The following RAP1GAP variants were observed in gnomAD, a reference collection of about 807,000 sequenced individuals.
RAP1GAP encodes the protein rap1 GTPase-activating protein 1.
A neutral mutation model predicts 87.2 loss-of-function variants in RAP1GAP; 35 were observed. That is an observed-to-expected ratio of 0.40 (90% CI 0.31 to 0.53). The LOEUF (loss-of-function observed/expected upper bound fraction) is 0.53. RAP1GAP is among the 20% of genes least tolerant of loss of function. RAP1GAP has a pLI of 0.48. For synonymous variants in RAP1GAP, 375 were observed against 363.9 expected, an observed-to-expected ratio of 1.03 and a Z score of -0.35; for missense variants, 734 against 898.9, an observed-to-expected ratio of 0.82 and a Z score of 2.35.
chr1:21,620,016 T>C lies in RAP1GAP; in HGVS notation c.17A>G (p.Gln6Arg). The change falls in exon 4 of 25, where the codon CAG (glutamine) becomes CGG (arginine). Residue 6 changes from glutamine to arginine, a missense_variant and splice_region_variant. Transcript: ENST00000374765. ...AACAGGCCACAGAGCCATCCTCACC[T>C]GCATCTTCTCAATCATCTCAAATAG... is the stretch of plus-strand genomic sequence containing the variant. Reference protein sequence around the residue: MIEKMQGSRMDEQRCS... With the variant: MIEKMRGSRMDEQRCS... 1.9e-6 allele frequency: 3 copies of C among 1,613,918 alleles called. No homozygotes were observed. The highest frequency in any genetic ancestry group is 2.5e-6 in the Non-Finnish European group (3 of 1,179,900).
chr1:21,651,569 AAC>A, intron 1 of RAP1GAP: 1 of 686,518 alleles, frequency 1.5e-6, no homozygotes, highest in South Asian at 1.4e-5. Context: ...ACGCAATGGG[AAC>A]ACACACAGAC....
Position 21,609,987 on chromosome 1 carries a change from G to T in RAP1GAP, c.999+133C>A. 1 of 1,141,186 alleles carries T rather than the reference G, an allele frequency of 8.8e-7. No homozygotes were observed. Among genetic ancestry groups the T allele is most frequent in the Non-Finnish European group, 1.2e-6 (1 of 820,806 alleles). The allele number at this position is 1,141,186 out of a possible 1,614,324, so 70.7% of individuals were successfully genotyped here. A position where few individuals can be genotyped will look rare whatever the true frequency, so the allele number is the denominator to read the frequency against. On this transcript the variant is annotated intron_variant, in intron 14 of 24. Transcript: ENST00000374765. This position sits in a 1 kb window ranked among gnomAD's most constrained non-coding sequence, Gnocchi z 4.4. ...GACGACAGGGGGCGTGGTGTGAACA[G>T]TGCACCATTGAAGCCTTCCATGGTC...
At position 21,636,914 on chromosome 1, in the gene RAP1GAP, A is replaced by AAGGGAGGGAGGG. The variant is rs1217233454; in HGVS notation, c.-112-10529_-112-10518dup. ...GAAGGAAGGAAGGAGGGAAGGAAGG[A>AAGGGAGGGAGGG]AGGGAGGGAGGGAGGGAGGGAGGGA... On this transcript the variant is annotated intron_variant, in intron 2 of 24. Transcript: ENST00000374765. Among the ~76,000 whole-genome samples the AAGGGAGGGAGGG allele has an allele frequency of 9.3e-4, 95 of 102,486 alleles. 1 individual carries two copies. The highest frequency in any genetic ancestry group is 3.3e-3 in the African/African-American group (82 of 24,616). 67.2% of individuals were successfully genotyped at this position (102,486 alleles called of 152,430 possible).
At chr1:21,625,219 CT>C (rs2091430209) in intron 3 of RAP1GAP, among the ~76,000 whole-genome samples, 1 of 152,196 alleles carries the variant, frequency 6.6e-6, no homozygotes, top group African/African-American at 2.4e-5. Context: ...GGTACGTGGC[CT>C]TTATTCCAGG....
rs146292016 is a variant in RAP1GAP, at chr1:21,610,146, C to T, written c.973G>A (p.Gly325Arg). The change falls in exon 14 of 25, where the codon GGG becomes AGG. Residue 325 changes from glycine to arginine, a missense_variant. This residue lies in a region of RAP1GAP where 485 missense variants were observed against 646.2 expected (regional missense o/e 0.75). Transcript: ENST00000374765. ...TTGTAGAGGGGGCCATCAGGGCCCC[C>T]GCCCTCAGCCTGCACCACGACGTAG... ...HAYVVVQAEG[G>R]GPDGPLYKVS... 2.0e-4 allele frequency: 323 copies of T among 1,614,020 alleles called. 1 individual carries two copies. In the African/African-American group the frequency reaches 3.4e-3, roughly 17 times the overall value.
intron 1 of RAP1GAP, among the ~76,000 whole-genome samples, chr1:21,662,980 C>T (rs947493787): frequency 6.6e-6 from 1 of 152,232 alleles, no homozygotes; most frequent in Non-Finnish European, 1.5e-5. Context: ...TGCCTCCCCC[C>T]ATCCAGAATC....
intron 21 of RAP1GAP, among the ~76,000 whole-genome samples, chr1:21,598,880 C>T (rs1039079635): frequency 6.6e-6 from 1 of 151,936 alleles, no homozygotes; most frequent in African/African-American, 2.4e-5. Flanking sequence ...CCTGGGTCTG[C>T]ACTGTTCCCA....
chr1:21,621,109 G>A (rs909744717), intron 3 of RAP1GAP, among the ~76,000 whole-genome samples: 1 of 152,158 alleles, frequency 6.6e-6, no homozygotes, highest in Non-Finnish European at 1.5e-5. Flanking sequence ...AGTACCAGGA[G>A]AGATACACAC....
chr1:21,607,455 G>A (rs1055935707), intron 17 of RAP1GAP, among the ~76,000 whole-genome samples: 26 of 152,156 alleles, frequency 1.7e-4, no homozygotes, highest in African/African-American at 6.0e-4. Flanking sequence ...TGAAGTGTCC[G>A]TGCTCTTAAT....
At chr1:21,600,981 C>A (rs1425980143) in intron 20 of RAP1GAP, among the ~76,000 whole-genome samples, 1 of 149,866 alleles carries the variant, frequency 6.7e-6, no homozygotes, top group Admixed American at 6.7e-5. Flanking sequence ...CCACCCAGCA[C>A]AATGTCACAA....
rs1446787342 is a variant in RAP1GAP, at chr1:21,596,230, G to A, written c.*1069C>T. On this transcript the variant is annotated 3_prime_UTR_variant, in exon 25 of 25. Coordinates refer to ENST00000374765, the MANE Select transcript of RAP1GAP (RefSeq NM_002885.4). ...CAGGCCCAACTCTGGGTACAATAGC[G>A]ATAAATAGAATTTATTTTATACAAC... 4 of 152,346 alleles carry A rather than the reference G, an allele frequency of 2.6e-5. No individual in the cohort carries two copies. Among genetic ancestry groups the A allele is most frequent in the Admixed American group, 2.6e-4 (4 of 15,304 alleles). The allele number at this position is 152,346 out of a possible 1,614,324, so 9.4% of individuals were successfully genotyped here.
chr1:21,631,677 ACT>A (rs1021767255), intron 2 of RAP1GAP, among the ~76,000 whole-genome samples: 3 of 152,128 alleles, frequency 2.0e-5, no homozygotes, highest in African/African-American at 4.8e-5. Flanking sequence ...CAAGAGCAAA[ACT>A]CTGTCTCAAA....
intron 3 of RAP1GAP, among the ~76,000 whole-genome samples, chr1:21,624,773 G>A (rs1256171937): frequency 6.6e-6 from 1 of 152,188 alleles, no homozygotes; most frequent in East Asian, 1.9e-4. Context: ...CCCGAGGGGA[G>A]GCAGCTTTTC....
rs534447247 is a variant in RAP1GAP at position 21,614,755 on chromosome 1, G to GT, written c.292-667_292-666insA. ...CCCAGGGCTGGCACCTCCGGGTGGG[G>GT]AAGTCCCAAAGCCGAGGGCTGGAAG... On this transcript the variant is annotated intron_variant, in intron 7 of 24. Transcript: ENST00000374765. Among the ~76,000 whole-genome samples the GT allele has an allele frequency of 1.0e-3, 159 of 152,260 alleles. 1 individual carries two copies. Among genetic ancestry groups the GT allele is most frequent in the African/African-American group, 3.5e-3 (146 of 41,552 alleles).
At chr1:21,621,180 T>C (rs766277393) in intron 3 of RAP1GAP, among the ~76,000 whole-genome samples, 46 of 152,254 alleles carry the variant, frequency 3.0e-4, no homozygotes, top group Admixed American at 7.2e-4. Flanking sequence ...AAAGCTATGG[T>C]AACACCACAA....
At chr1:21,633,466 T>C (rs1167649221) in intron 2 of RAP1GAP, among the ~76,000 whole-genome samples, 2 of 151,910 alleles carry the variant, frequency 1.3e-5, no homozygotes, top group African/African-American at 2.4e-5. Context: ...CTCAACCAGG[T>C]GAAACTCTGG....
At position 21,598,467 on chromosome 1, in the gene RAP1GAP, C is replaced by A. The variant is rs772174158; in HGVS notation, c.1812G>T (p.Arg604=). The part of the protein sequence containing the change: ...SVSSSGTPHK[R]DSFIYSTWLE... Reference sequence around the variant, plus strand: ...GCCACGTGCTATAGATGAAGGAGTCCCGCTTGTGGGGTGTTCCTGAGGATG... The same window carrying A: ...GCCACGTGCTATAGATGAAGGAGTCACGCTTGTGGGGTGTTCCTGAGGATG... The change falls in exon 22 of 25, where the codon CGG becomes CGT. Residue 604 remains arginine, a synonymous_variant. Coordinates refer to ENST00000374765, the MANE Select transcript of RAP1GAP (RefSeq NM_002885.4). 1.9e-6 allele frequency: 3 copies of A among 1,613,878 alleles called. No individual in the cohort carries two copies. Among genetic ancestry groups the A allele is most frequent in the South Asian group, 2.2e-5 (2 of 91,058 alleles).
At chr1:21,655,187 ATT>A (rs1381802705) in intron 1 of RAP1GAP, among the ~76,000 whole-genome samples, 1 of 152,146 alleles carries the variant, frequency 6.6e-6, no homozygotes, top group East Asian at 1.9e-4. Flanking sequence ...TAGCAGCATC[ATT>A]TTTATTAGGC....
intron 4 of RAP1GAP, among the ~76,000 whole-genome samples, 159 bp downstream of exon 4, chr1:21,619,856 A>AC (rs2085533304): frequency 6.6e-6 from 1 of 151,772 alleles, no homozygotes; most frequent in East Asian, 1.9e-4. Flanking sequence ...CTCTACCCTG[A>AC]CCTCCAGACA....
Sources: gnomAD v4.1 joint callset for allele counts (sites outside exome capture counted in the v4.1 genomes callset) on GRCh38, gnomAD v4.1.1 for gene constraint, gnomAD v4.1.1 regional missense constraint, Gnocchi (gnomAD v3.1) non-coding constraint, MANE v1.5 for transcripts, NCBI Gene and HGNC (gene_info 2026-07-23, HGNC 2026-07-21) for gene names.